TAF3: variants seen among roughly 807,000 people sequenced by gnomAD.
The protein encoded by TAF3 is TATA-box binding protein associated factor 3.
A neutral mutation model predicts 80.6 loss-of-function variants in TAF3; 7 were observed. That is an observed-to-expected ratio of 0.09 (90% confidence interval 0.05 to 0.16). The LOEUF is 0.16. TAF3 is among the 10% of genes least tolerant of loss of function. TAF3 has a pLI of 1.00. For missense variants in TAF3, 921 were observed against 1,140.2 expected (o/e 0.81, Z 2.77); for synonymous variants, 444 against 446.1 (o/e 1.00, Z 0.06).
At chr10:7,908,660 A>T (rs1837628255) in intron 2 of TAF3, among the ~76,000 whole-genome samples, 1 of 152,218 alleles carries the variant, frequency 6.6e-6, no homozygotes. Flanking sequence ...ACCCTATGCC[A>T]CCAGAGCCAC....
chr10:7,848,993 G>T (rs1836999844), intron 2 of TAF3, among the ~76,000 whole-genome samples: 1 of 152,066 alleles, frequency 6.6e-6, no homozygotes, highest in African/African-American at 2.4e-5. Flanking sequence ...TTTCTGAATG[G>T]TAGTAACAAA....
At chr10:7,927,482 C>G (rs1448583771) in intron 2 of TAF3, among the ~76,000 whole-genome samples, 1 of 152,222 alleles carries the variant, frequency 6.6e-6, no homozygotes, top group African/African-American at 2.4e-5. Flanking sequence ...GTTCCCTCCA[C>G]TGTCTTCCCC....
chr10:7,978,338 C>T (rs987357037), intron 4 of TAF3, among the ~76,000 whole-genome samples: 3 of 152,102 alleles, frequency 2.0e-5, no homozygotes, highest in African/African-American at 7.2e-5. Context: ...GATACTGTTG[C>T]TTCTGTCAGT....
intron 2 of TAF3, among the ~76,000 whole-genome samples, chr10:7,963,019 TC>T (rs1412526899): frequency 1.3e-5 from 2 of 152,064 alleles, no homozygotes; most frequent in East Asian, 3.9e-4. Context: ...GTTGAGAGAG[TC>T]CCTAAGGCTG....
At chr10:7,873,671 C>G (rs1837289511) in intron 2 of TAF3, among the ~76,000 whole-genome samples, 1 of 151,398 alleles carries the variant, frequency 6.6e-6, no homozygotes, top group African/African-American at 2.4e-5. Context: ...CCCCCACTCC[C>G]TTGTCCTTAG....
intron 3 of TAF3, among the ~76,000 whole-genome samples, chr10:7,968,221 G>T (rs1831591055): frequency 6.6e-6 from 1 of 152,116 alleles, no homozygotes; most frequent in East Asian, 1.9e-4. Context: ...GCTGCCCCAA[G>T]AAAATGTTTT....
At chr10:8,003,820 AG>A (rs1301997959) in intron 4 of TAF3, among the ~76,000 whole-genome samples, 1 of 152,152 alleles carries the variant, frequency 6.6e-6, no homozygotes, top group African/African-American at 2.4e-5. Context: ...CTGAGGCAGG[AG>A]GATTGCTTGA....
intron 2 of TAF3, among the ~76,000 whole-genome samples, chr10:7,872,603 A>C (rs532536841): frequency 6.6e-6 from 1 of 152,370 alleles, no homozygotes; most frequent in South Asian, 2.1e-4. Context: ...TGCCATAGTT[A>C]TAATATCTTG....
chr10:7,932,090 G>A (rs1257267913), intron 2 of TAF3, among the ~76,000 whole-genome samples: 1 of 152,064 alleles, frequency 6.6e-6, no homozygotes, highest in African/African-American at 2.4e-5. Flanking sequence ...TTACTTCTTG[G>A]AAAAACTGAG....
At chr10:7,947,167 C>G (rs1838032894) in intron 2 of TAF3, among the ~76,000 whole-genome samples, 1 of 152,208 alleles carries the variant, frequency 6.6e-6, no homozygotes, top group South Asian at 2.1e-4. Context: ...CCTTCTCCGG[C>G]CCCTCTTCTG....
At chr10:7,876,620 G>A (rs557922768) in intron 2 of TAF3, among the ~76,000 whole-genome samples, 22 of 152,232 alleles carry the variant, frequency 1.4e-4, no homozygotes, top group Admixed American at 1.0e-3. Context: ...ACAGAATCAC[G>A]GGGGTCAGTG....
chr10:7,825,530 T>C (rs1172761495), intron 2 of TAF3, among the ~76,000 whole-genome samples: 1 of 152,172 alleles, frequency 6.6e-6, no homozygotes, highest in Non-Finnish European at 1.5e-5. Context: ...CACCATTCCT[T>C]TTTTTGTCTC....
chr10:7,985,770 T>TTC (rs1203320179), intron 4 of TAF3, among the ~76,000 whole-genome samples: 3 of 149,462 alleles, frequency 2.0e-5, no homozygotes, highest in South Asian at 2.1e-4. Flanking sequence ...CAGTCTCTCA[T>TTC]TCTCTCTCTC....
intron 2 of TAF3, among the ~76,000 whole-genome samples, chr10:7,844,141 T>C (rs972490212): frequency 1.8e-4 from 28 of 152,196 alleles, no homozygotes; most frequent in Non-Finnish European, 1.2e-4. Flanking sequence ...ACTTAATATT[T>C]ATTTGCCTTG....
At chr10:7,940,849 C>T (rs2131205779) in intron 2 of TAF3, among the ~76,000 whole-genome samples, 1 of 151,590 alleles carries the variant, frequency 6.6e-6, no homozygotes, top group Non-Finnish European at 1.5e-5. Context: ...GTTCCAGCTA[C>T]TTGGGAGACT....
intron 2 of TAF3, among the ~76,000 whole-genome samples, chr10:7,905,428 A>G (rs1350537130): frequency 1.3e-5 from 2 of 152,110 alleles, no homozygotes; most frequent in African/African-American, 2.4e-5. Context: ...CACGATGAAA[A>G]TGTAAGTAAT....
At chr10:7,822,235 A>G (rs1183192255) in intron 1 of TAF3, among the ~76,000 whole-genome samples, 1 of 140,470 alleles carries the variant, frequency 7.1e-6, no homozygotes, top group Non-Finnish European at 1.6e-5. Context: ...AAAATCTGAA[A>G]TCATGGTTAA....
chr10:7,928,817 A>G (rs1837840640), intron 2 of TAF3, among the ~76,000 whole-genome samples: 1 of 152,114 alleles, frequency 6.6e-6, no homozygotes, highest in Admixed American at 6.5e-5. Flanking sequence ...AGAGAGCTAT[A>G]TTCTGAAATA....
intron 2 of TAF3, among the ~76,000 whole-genome samples, chr10:7,912,818 G>A (rs1283172157): frequency 6.6e-6 from 1 of 151,698 alleles, no homozygotes; most frequent in Non-Finnish European, 1.5e-5. Flanking sequence ...TGTTTGGCGA[G>A]GCACTGGTGC....
Sources: gnomAD v4.1 joint callset for allele counts (sites outside exome capture counted in the v4.1 genomes callset) on GRCh38, gnomAD v4.1.1 for gene constraint, MANE v1.5 for transcripts, NCBI Gene and HGNC (gene_info 2026-07-23, HGNC 2026-07-21) for gene names.